Variants in ARHGAP18 observed in about 807,000 individuals in gnomAD.
ARHGAP18 encodes the protein rho GTPase-activating protein 18.
ARHGAP18 carries 67 observed loss-of-function variants against 86.2 expected under a neutral mutation model. The ratio of observed to expected loss-of-function variants is 0.78; its 90% CI spans 0.64 to 0.95. ARHGAP18 has a LOEUF of 0.95. Among genes scored for constraint, ARHGAP18 ranks in the 40% least tolerant of loss-of-function variants. The pLI is 0.00. For synonymous variants in ARHGAP18, 283 were observed against 280.4 expected (o/e 1.01, Z -0.09); for missense variants, 691 against 780.4 (o/e 0.89, Z 1.37).
chr6:129,675,534 T>C (rs1279844185), intron 1 of ARHGAP18, among the ~76,000 whole-genome samples: 1 of 152,094 alleles, frequency 6.6e-6, no homozygotes, highest in Non-Finnish European at 1.5e-5. Context: ...TATCTGGCAA[T>C]GTCATCTGGA....
chr6:129,592,492 AGCTCTCT>A (rs1304492688), intron 12 of ARHGAP18, among the ~76,000 whole-genome samples: 83 of 152,334 alleles, frequency 5.4e-4, no homozygotes, highest in African/African-American at 1.9e-3. Flanking sequence ...AAGTCACGTA[AGCTCTCT>A]AAAGCTTGAG....
chr6:129,672,166 A>G (rs1239038854), intron 1 of ARHGAP18, among the ~76,000 whole-genome samples: 1 of 152,086 alleles, frequency 6.6e-6, no homozygotes, highest in Non-Finnish European at 1.5e-5. Context: ...GTCCTCTGCA[A>G]TCATCGCCAT....
intron 7 of ARHGAP18, among the ~76,000 whole-genome samples, chr6:129,613,587 G>A (rs1035302672): frequency 1.4e-4 from 22 of 152,134 alleles, no homozygotes; most frequent in Non-Finnish European, 2.4e-4. Flanking sequence ...CTGAATGAGC[G>A]TAATTTCTGC....
At chr6:129,596,506 C>T (rs527602751) in intron 12 of ARHGAP18, among the ~76,000 whole-genome samples, 2 of 152,252 alleles carry the variant, frequency 1.3e-5, no homozygotes, top group East Asian at 3.9e-4. Context: ...AAATCACATA[C>T]TAACACATTA....
At chr6:129,630,132 T>C (rs1773170166) in intron 4 of ARHGAP18, among the ~76,000 whole-genome samples, 1 of 152,176 alleles carries the variant, frequency 6.6e-6, no homozygotes, top group Non-Finnish European at 1.5e-5. Flanking sequence ...CCTGATCATG[T>C]CAAAAAGTAT....
intron 6 of ARHGAP18, among the ~76,000 whole-genome samples, chr6:129,617,105 T>C (rs910288322): frequency 2.6e-5 from 4 of 152,222 alleles, no homozygotes; most frequent in Admixed American, 2.6e-4. Flanking sequence ...AGAAAATAGA[T>C]ACTTGCTACT....
chr6:129,648,556 G>C (rs1773631097), intron 1 of ARHGAP18, among the ~76,000 whole-genome samples: 1 of 151,694 alleles, frequency 6.6e-6, no homozygotes, highest in Admixed American at 6.6e-5. Flanking sequence ...AAGAGTGCTT[G>C]AGCCCAGAAG....
intron 1 of ARHGAP18, among the ~76,000 whole-genome samples, chr6:129,705,310 C>G (rs571606609): frequency 6.6e-6 from 1 of 152,158 alleles, no homozygotes; most frequent in African/African-American, 2.4e-5. Flanking sequence ...ATTTGGCATG[C>G]TGGGCAGTAG....
rs1291219700 is a variant in ARHGAP18, at chr6:129,674,306, C to T, written c.114-32288G>A. ...TGTGAAATCTTGAATGTCACTTAAT[C>T]TTTCTGGCCTCCTTCCTTCCTTGAA... is the stretch of plus-strand genomic sequence containing the variant. On this transcript the variant is annotated intron_variant, in intron 1 of 14. Coordinates refer to ENST00000368149, the MANE Select transcript of ARHGAP18 (RefSeq NM_033515.3). 2.0e-5 allele frequency among the ~76,000 whole-genome samples: 3 copies of T among 152,308 alleles called. No individual in the cohort carries two copies. The East Asian group carries it at 5.8e-4, about 29-fold the overall frequency.
At chr6:129,666,640 C>A (rs990520080) in intron 1 of ARHGAP18, among the ~76,000 whole-genome samples, 3 of 152,226 alleles carry the variant, frequency 2.0e-5, no homozygotes, top group African/African-American at 7.2e-5. Context: ...CAGGGCCTGC[C>A]TCCACCCTTC....
At chr6:129,663,329 T>G (rs1773987682) in intron 1 of ARHGAP18, among the ~76,000 whole-genome samples, 1 of 152,242 alleles carries the variant, frequency 6.6e-6, no homozygotes, top group South Asian at 2.1e-4. Flanking sequence ...ACATATGTGA[T>G]AGATACGAAT....
chr6:129,607,972 G>A lies in ARHGAP18; in HGVS notation c.1203C>T (p.Ser401=). Residue 401 remains serine, a synonymous_variant, in exon 9 of 15, where the codon AGC becomes AGT. Transcript: ENST00000368149. ...WESVKQHDAA[S]LLKLFIRELP... ...ACTCCCGAATGAAGAGCTTCAGCAG[G>A]CTGGCGGCATCATGCTGTTTGACAC... The A allele has an allele frequency of 6.2e-7, 1 of 1,613,148 alleles. No individual in the cohort carries two copies. Among genetic ancestry groups the A allele is most frequent in the African/African-American group, 1.3e-5 (1 of 74,686 alleles).
At chr6:129,619,689 G>C (rs118100244) in intron 5 of ARHGAP18, among the ~76,000 whole-genome samples, 15,097 of 149,128 alleles carry the variant, frequency 0.1, 1,010 homozygotes, top group Middle Eastern at 0.16. Flanking sequence ...AGACAAGTAG[G>C]GGGGAGAGAA....
intron 1 of ARHGAP18, among the ~76,000 whole-genome samples, chr6:129,667,507 T>G (rs1562717984): frequency 1.2e-5 from 1 of 81,014 alleles, no homozygotes; most frequent in East Asian, 3.3e-4. Context: ...GTGTGTGTGT[T>G]GTGTATGTGG....
In ARHGAP18 at chr6:129,586,797, A is replaced by T. The variant is rs1368977664; in HGVS notation, c.1714-2685T>A. Among the ~76,000 whole-genome samples, 3 of 152,136 alleles carry T rather than the reference A, an allele frequency of 2.0e-5. No homozygotes were observed. The East Asian group carries it at 5.8e-4, about 29-fold the overall frequency. ...CCCACTATTTCTTGTAGAACCTTCT[A>T]CTGTTTGGATAAAAAGGCCCAGCAG... On this transcript the variant is annotated intron_variant, in intron 12 of 14. Transcript: ENST00000368149.
chr6:129,618,793 C>T lies in ARHGAP18; in HGVS notation c.846G>A (p.Gln282=). The change falls in exon 6 of 15, where the codon CAG becomes CAA. Residue 282 remains glutamine, a synonymous_variant. Transcript: ENST00000368149. ...CTAAATGGCAAACTTTCTTCATGTC[C>T]TGGGGTGCGAGGTCACCAATCCTTG... is the stretch of plus-strand genomic sequence containing the variant. ...GTTRIGDLAP[Q]DMKKVCHLAL... 2 of 1,613,610 alleles carry T rather than the reference C, an allele frequency of 1.2e-6. No individual in the cohort carries two copies. Among genetic ancestry groups the T allele is most frequent in the East Asian group, 4.5e-5 (2 of 44,868 alleles).
intron 7 of ARHGAP18, among the ~76,000 whole-genome samples, chr6:129,613,508 G>C (rs1463557993): frequency 6.6e-6 from 1 of 152,172 alleles, no homozygotes; most frequent in Non-Finnish European, 1.5e-5. Context: ...GAGCAAATTA[G>C]TTTTCAGCAA....
rs139054867 is a variant in ARHGAP18, at chr6:129,682,436, T to C, written c.113+27588A>G. ...CAATACATGAGGTCTTACAGGCAAG[T>C]AGTCCTACAGATCCAAGAGGAATCA... On this transcript the variant is annotated intron_variant, in intron 1 of 14. Transcript: ENST00000368149. Among the ~76,000 whole-genome samples, 428 of 152,210 alleles carry C rather than the reference T, an allele frequency of 2.8e-3. 8 individuals carry two copies. The highest frequency in any genetic ancestry group is 0.022 in the Admixed American group (343 of 15,284).
chr6:129,596,233 C>T (rs1788613458), intron 12 of ARHGAP18, among the ~76,000 whole-genome samples: 2 of 152,130 alleles, frequency 1.3e-5, no homozygotes, highest in African/African-American at 4.8e-5. Flanking sequence ...GCCCCTCTGA[C>T]CTCATTTCAC....
Sources: gnomAD v4.1 joint callset for allele counts (sites outside exome capture counted in the v4.1 genomes callset) on GRCh38, gnomAD v4.1.1 for gene constraint, MANE v1.5 for transcripts, NCBI Gene and HGNC (gene_info 2026-07-23, HGNC 2026-07-21) for gene names.